CACNB2: variants seen among roughly 807,000 people sequenced by gnomAD.
CACNB2 encodes calcium voltage-gated channel auxiliary subunit beta 2.
Under a neutral mutation model 73.3 loss-of-function variants are expected in CACNB2, and 42 were observed. That is an observed-to-expected ratio of 0.57 (90% CI 0.45 to 0.74). The LOEUF (loss-of-function observed/expected upper bound fraction) is 0.74. CACNB2 is among the 30% of genes least tolerant of loss of function. The pLI, the probability that CACNB2 is intolerant of heterozygous loss-of-function variation, is 0.00. For missense variants in CACNB2, 940 were observed against 853.0 expected (o/e 1.10, Z -1.27); for synonymous variants, 348 against 310.3 (o/e 1.12, Z -1.28).
At chr10:18,241,403 G>A (rs1476677017) in intron 2 of CACNB2, among the ~76,000 whole-genome samples, 1 of 152,162 alleles carries the variant, frequency 6.6e-6, no homozygotes, top group Non-Finnish European at 1.5e-5. Context: ...GTGACCTACA[G>A]GGAGGGAACA....
At chr10:18,350,682 A>T (rs2041670844) in intron 2 of CACNB2, among the ~76,000 whole-genome samples, 1 of 152,234 alleles carries the variant, frequency 6.6e-6, no homozygotes, top group African/African-American at 2.4e-5. Context: ...GCCTTCATGC[A>T]GCAGAACAAA....
At chr10:18,211,502 G>GTGTT (rs2035315558) in intron 2 of CACNB2, among the ~76,000 whole-genome samples, 1 of 151,968 alleles carries the variant, frequency 6.6e-6, no homozygotes, top group Non-Finnish European at 1.5e-5. Flanking sequence ...CAATAGAGTT[G>GTGTT]CTTCCCTTTG....
At chr10:18,455,039 TAAA>T (rs56167015) in intron 3 of CACNB2, among the ~76,000 whole-genome samples, 8 of 137,822 alleles carry the variant, frequency 5.8e-5, no homozygotes, top group African/African-American at 2.2e-4. Context: ...CCCAATCTCT[TAAA>T]AAAAAAAAAA....
At chr10:18,458,628 A>G (rs761231748) in intron 3 of CACNB2, among the ~76,000 whole-genome samples, 1 of 152,188 alleles carries the variant, frequency 6.6e-6, no homozygotes, top group Admixed American at 6.5e-5. Flanking sequence ...AAGGTCCCAA[A>G]GGATATAAAT....
At chr10:18,455,481 G>A (rs139587812) in intron 3 of CACNB2, among the ~76,000 whole-genome samples, 90 of 152,000 alleles carry the variant, frequency 5.9e-4, no homozygotes, top group Non-Finnish European at 1.0e-3. Context: ...TGCTGTTGTT[G>A]GAGGTTAATT....
At chr10:18,404,783 T>A (rs969101357) in intron 3 of CACNB2, among the ~76,000 whole-genome samples, 4 of 152,200 alleles carry the variant, frequency 2.6e-5, no homozygotes, top group Admixed American at 6.5e-5. Flanking sequence ...TCTTTTAAAA[T>A]TTAAGTGACC....
At chr10:18,482,700 C>T (rs896213366) in intron 3 of CACNB2, among the ~76,000 whole-genome samples, 4 of 151,972 alleles carry the variant, frequency 2.6e-5, no homozygotes, top group Non-Finnish European at 5.9e-5. Context: ...TTAGTAGAGA[C>T]AGGGTTTCAC....
chr10:18,311,335 T>C (rs535543137), intron 2 of CACNB2, among the ~76,000 whole-genome samples: 5 of 152,310 alleles, frequency 3.3e-5, no homozygotes, highest in African/African-American at 1.2e-4. Context: ...AGTCTTCTCA[T>C]CTCTAAATGA....
chr10:18,481,767 T>C (rs1326306476), intron 3 of CACNB2, among the ~76,000 whole-genome samples: 2 of 152,206 alleles, frequency 1.3e-5, no homozygotes, highest in African/African-American at 4.8e-5. Context: ...GTATCTGCTG[T>C]CTGGAGAGCT....
intron 2 of CACNB2, among the ~76,000 whole-genome samples, chr10:18,181,065 GAAAAA>G (rs34924301): frequency 8.5e-6 from 1 of 117,884 alleles, no homozygotes; most frequent in Non-Finnish European, 1.8e-5. Context: ...AGCCAAAATA[GAAAAA>G]AAAAAAAAAA....
chr10:18,350,082 A>G (rs1476939926), intron 2 of CACNB2, among the ~76,000 whole-genome samples: 1 of 152,030 alleles, frequency 6.6e-6, no homozygotes, highest in Non-Finnish European at 1.5e-5. Flanking sequence ...TGTCTCTACT[A>G]AAAATACAAA....
At chr10:18,462,162 G>A (rs2047615626) in intron 3 of CACNB2, among the ~76,000 whole-genome samples, 1 of 152,110 alleles carries the variant, frequency 6.6e-6, no homozygotes, top group East Asian at 1.9e-4. Flanking sequence ...CAAGGATCCT[G>A]GGACAGAATA....
At chr10:18,212,487 A>G (rs1311269149) in intron 2 of CACNB2, among the ~76,000 whole-genome samples, 2 of 152,124 alleles carry the variant, frequency 1.3e-5, no homozygotes, top group Non-Finnish European at 2.9e-5. Flanking sequence ...CTGCATTTTC[A>G]TGAATATGAG....
intron 3 of CACNB2, among the ~76,000 whole-genome samples, chr10:18,425,012 T>G (rs1465740120): frequency 1.3e-5 from 2 of 152,234 alleles, no homozygotes; most frequent in East Asian, 3.9e-4. Flanking sequence ...TATCTTTACC[T>G]TTACTGGGCA....
chr10:18,291,131 G>T (rs1386693837), intron 2 of CACNB2, among the ~76,000 whole-genome samples: 1 of 152,220 alleles, frequency 6.6e-6, no homozygotes, highest in Non-Finnish European at 1.5e-5. Context: ...CTGCGCAGAA[G>T]GTACTTACAG....
At chr10:18,363,380 C>G (rs1401328367) in intron 2 of CACNB2, among the ~76,000 whole-genome samples, 1 of 152,192 alleles carries the variant, frequency 6.6e-6, no homozygotes, top group South Asian at 2.1e-4. Context: ...ACCCAGTCAC[C>G]CCCGCTTTCT....
chr10:18,173,063 G>T (rs1381600361), intron 2 of CACNB2, among the ~76,000 whole-genome samples: 1 of 151,890 alleles, frequency 6.6e-6, no homozygotes, highest in East Asian at 1.9e-4. Context: ...TGGGATTACA[G>T]GAGTGCACAA....
intron 2 of CACNB2, among the ~76,000 whole-genome samples, chr10:18,355,727 C>T (rs1235286554): frequency 6.6e-6 from 1 of 151,232 alleles, no homozygotes; most frequent in African/African-American, 2.4e-5. Flanking sequence ...ACATTTGCCT[C>T]CTGGGTTCAA....
chr10:18,430,312 A>G (rs1013349643), intron 3 of CACNB2, among the ~76,000 whole-genome samples: 1 of 152,162 alleles, frequency 6.6e-6, no homozygotes, highest in African/African-American at 2.4e-5. Context: ...CTATATTTCC[A>G]TGAAACTTGG....
Sources: gnomAD v4.1 joint callset for allele counts (sites outside exome capture counted in the v4.1 genomes callset) on GRCh38, gnomAD v4.1.1 for gene constraint, MANE v1.5 for transcripts, NCBI Gene and HGNC (gene_info 2026-07-23, HGNC 2026-07-21) for gene names.